The following INTS1 variants were observed in gnomAD, a reference collection of about 807,000 sequenced individuals.
INTS1 encodes integrator complex subunit 1.
INTS1 carries 137 observed loss-of-function variants against 241.6 expected under a neutral mutation model. The observed-to-expected ratio is 0.57, with a 90% confidence interval of 0.49 to 0.65. The LOEUF (loss-of-function observed/expected upper bound fraction) is 0.65, where lower values mean the gene tolerates loss of function less well. Among genes scored for constraint, INTS1 ranks in the 30% least tolerant of loss-of-function variants. The pLI is 0.00. For synonymous variants in INTS1, 1,692 were observed against 1,337.8 expected (o/e 1.26, Z -5.78); for missense variants, 3,073 against 3,032.2 (o/e 1.01, Z -0.32).
rs975981224 is a variant in INTS1 at position 1,493,295 on chromosome 7, G to A, written c.2069-189C>T. On this transcript the variant is annotated intron_variant, in intron 15 of 47. Transcript: ENST00000404767. The surrounding 1 kb of genome is among the most constrained non-coding windows in gnomAD (Gnocchi z 5.3). ...CTGGGAAACAGGGCACTTTGCTCTC[G>A]GGGACACCTGGGCTGGGTCTAGAGA... Among the ~76,000 whole-genome samples, 3 of 152,078 alleles carry A rather than the reference G, an allele frequency of 2.0e-5. No individual in the cohort carries two copies. The highest frequency in any genetic ancestry group is 4.4e-5 in the Non-Finnish European group (3 of 68,000).
chr7:1,495,455 C>A lies in INTS1; in HGVS notation c.1810G>T (p.Ala604Ser). The stretch of plus-strand genomic sequence containing the variant: ...CACCAGTGCACGTAGTCCTTAGGGG[C>A]GAGCTTGCTGATGGAGGGGACCACA... ...HTVVPSISKL[A>S]PKDYVHCLHK... The change falls in exon 13 of 48, where the codon GCC (alanine) becomes TCC (serine). Residue 604 changes from alanine (A) to serine (S), a missense_variant. Ala to Ser is a moderately conservative substitution (Grantham distance 99, BLOSUM62 1). Coordinates refer to ENST00000404767, the MANE Select transcript of INTS1 (RefSeq NM_001080453.3). 1.2e-6 allele frequency: 2 copies of A among 1,612,378 alleles called. No individual in the cohort carries two copies. The highest frequency in any genetic ancestry group is 1.7e-6 in the Non-Finnish European group (2 of 1,179,662).
intron 20 of INTS1, 97 bp downstream of exon 20, chr7:1,487,223 C>A: frequency 6.6e-7 from 1 of 1,506,120 alleles, no homozygotes; most frequent in Non-Finnish European, 9.0e-7. Context: ...GGCCCCGCAT[C>A]CAGGTGTGTC....
rs1315205929 is a variant in INTS1 at position 1,471,596 on chromosome 7, C to A, written c.6230G>T (p.Arg2077Ile). Reference sequence around the variant, plus strand: ...CGAGAAGAAGCTCAGGATCTCGGGTCTCCGCCGGGACATCTCGTCTATGTC... The same window carrying A: ...CGAGAAGAAGCTCAGGATCTCGGGTATCCGCCGGGACATCTCGTCTATGTC... ...LSDIDEMSRR[R>I]PEILSFFSTN... Residue 2077 changes from arginine (R) to isoleucine (I), a missense_variant, in exon 45 of 48, where the codon AGA becomes ATA. Physicochemically the swap from Arg to Ile is moderately conservative, Grantham distance 97. Coordinates refer to ENST00000404767, the MANE Select transcript of INTS1 (RefSeq NM_001080453.3). 6.2e-7 allele frequency: 1 copy of A among 1,612,430 alleles called. No individual in the cohort carries two copies.
rs1017173368 is a variant in INTS1, at chr7:1,481,149, C to T, written c.3850+193G>A. On this transcript the variant is annotated intron_variant, in intron 28 of 47. Coordinates refer to ENST00000404767, the MANE Select transcript of INTS1 (RefSeq NM_001080453.3). This position sits in a 1 kb window ranked among gnomAD's most constrained non-coding sequence, Gnocchi z 6.8. ...GGGGTGCCTGGCCCCAGGGTTGGGG[C>T]AGGCCCAGGCCTCGGCTCCCTCCTG... 10 of 756,434 alleles carry T rather than the reference C, an allele frequency of 1.3e-5. No homozygotes were observed. The highest frequency in any genetic ancestry group is 2.0e-5 in the Non-Finnish European group (9 of 448,498). 46.9% of individuals were successfully genotyped at this position (756,434 alleles called of 1,614,324 possible). A position where few individuals can be genotyped will look rare whatever the true frequency, so the allele number is the denominator to read the frequency against.
Position 1,485,175 on chromosome 7 carries a change from T to C in INTS1, c.3184A>G (p.Thr1062Ala). 1 of 1,600,630 alleles carries C rather than the reference T, an allele frequency of 6.2e-7. No individual in the cohort carries two copies. The highest frequency in any genetic ancestry group is 8.5e-7 in the Non-Finnish European group (1 of 1,179,612). The change falls in exon 24 of 48, where the codon ACC becomes GCC. Residue 1062 changes from threonine to alanine, a missense_variant. Physicochemically the swap from Thr to Ala is moderately conservative, Grantham distance 58. Coordinates refer to ENST00000404767, the MANE Select transcript of INTS1 (RefSeq NM_001080453.3). ...QAIHMETDPQ[T>A]ISAYLIYLSQ... ...AAGTAGATCAGGTAGGCGCTGATGG[T>C]CTGGGGATCAGTCTCCATGTGGATT...
chr7:1,474,494 G>T, intron 40 of INTS1, 134 bp from the exon 41 acceptor site: 1 of 1,169,278 alleles, frequency 8.6e-7, no homozygotes, highest in Non-Finnish European at 1.2e-6. Context: ...CCCTAAGGAG[G>T]TGGGGATGAG....
Position 1,495,620 on chromosome 7 carries a change from G to A in INTS1, c.1712-67C>T. On this transcript the variant is annotated intron_variant, in intron 12 of 47. Coordinates refer to ENST00000404767, the MANE Select transcript of INTS1 (RefSeq NM_001080453.3). ...GCCATGAGGGGCTAAGGCACCCCTG[G>A]GGGTCCAACTCAATGCTGGCACTTG... The A allele has an allele frequency of 3.2e-6, 5 of 1,550,678 alleles. No homozygotes were observed. The South Asian group carries it at 4.7e-5, about 15-fold the overall frequency.
chr7:1,502,365 A>G (rs1783227213), intron 3 of INTS1, among the ~76,000 whole-genome samples: 1 of 152,090 alleles, frequency 6.6e-6, no homozygotes, highest in Non-Finnish European at 1.5e-5. Flanking sequence ...GCACACAGTT[A>G]AAGGCATTTC....
rs1583119788 is a variant in INTS1, at chr7:1,484,139, G to A, written c.3293C>T (p.Thr1098Ile). 2 of 1,611,766 alleles carry A rather than the reference G, an allele frequency of 1.2e-6. No individual in the cohort carries two copies. The highest frequency in any genetic ancestry group is 2.2e-5 in the South Asian group (2 of 91,080). ...CTTCGAGAAGAGGTGGGACATGATG[G>A]TGGAGCGCTCCACGACCAGCCGGGC... is the stretch of plus-strand genomic sequence containing the variant. ...DVARLVVERSTIMSHLFSKLS... is the reference protein window; with the variant it reads ...DVARLVVERSIIMSHLFSKLS... Residue 1098 changes from threonine (T) to isoleucine (I), a missense_variant, in exon 25 of 48, where the codon ACC becomes ATC. By Grantham distance (89) the Thr-to-Ile change is moderately conservative (BLOSUM62 -1). Coordinates refer to ENST00000404767, the MANE Select transcript of INTS1 (RefSeq NM_001080453.3).
intron 12 of INTS1, among the ~76,000 whole-genome samples, chr7:1,495,883 G>A (rs1416014839): frequency 6.6e-6 from 1 of 152,170 alleles, no homozygotes; most frequent in South Asian, 2.1e-4. Context: ...CCCGTGGCTG[G>A]GGCCACCACG....
At chr7:1,495,321 G>A (rs1782791303) in intron 13 of INTS1, 112 bp downstream of exon 13, 1 of 1,323,486 alleles carries the variant, frequency 7.6e-7, no homozygotes, top group Non-Finnish European at 1.0e-6. Context: ...GGGCTGTGCG[G>A]GGCCTGGCTT....
intron 42 of INTS1, 79 bp from the exon 43 acceptor site, chr7:1,473,263 C>T: frequency 1.0e-6 from 1 of 1,002,494 alleles, no homozygotes; most frequent in Non-Finnish European, 1.5e-6. Context: ...ACTAGGGTGG[C>T]ATGGGAGCGT....
intron 33 of INTS1, 71 bp downstream of exon 33, chr7:1,478,295 G>T: frequency 6.5e-7 from 1 of 1,541,692 alleles, no homozygotes; most frequent in Non-Finnish European, 8.9e-7. Flanking sequence ...CCACTGGGCA[G>T]CTAGAAGGAG....
Position 1,494,995 on chromosome 7 carries a change from A to G in INTS1, c.1833-102T>C. The G allele has an allele frequency of 2.2e-6, 3 of 1,380,534 alleles. No individual in the cohort carries two copies. The South Asian group carries it at 3.7e-5, about 17-fold the overall frequency. The allele number at this position is 1,380,534 out of a possible 1,614,324, so 85.5% of individuals were successfully genotyped here. A position where few individuals can be genotyped will look rare whatever the true frequency, so the allele number is the denominator to read the frequency against. ...CCCGCTCCCACGGGCCCCAGCGCTCAGAGGCCGGGCTGCCTGGTGCCCAAG... is the reference window on the plus strand; with the variant it reads ...CCCGCTCCCACGGGCCCCAGCGCTCGGAGGCCGGGCTGCCTGGTGCCCAAG... On this transcript the variant is annotated intron_variant, in intron 13 of 47. Coordinates refer to ENST00000404767, the MANE Select transcript of INTS1 (RefSeq NM_001080453.3).
rs1314838117 is a variant in INTS1 at position 1,476,038 on chromosome 7, CAGG to C, written c.5409_5411del (p.Leu1804del). Reference sequence around the variant, plus strand: ...GCTCCGGCCGCTGTAGGTAGAGCTGCAGGAGAAGGTCTCGGCAGCGCCTGCCCA... The same window carrying C: ...GCTCCGGCCGCTGTAGGTAGAGCTGCAGAAGGTCTCGGCAGCGCCTGCCCA... On this transcript the variant is annotated inframe_deletion, in exon 39 of 48. Coordinates refer to ENST00000404767, the MANE Select transcript of INTS1 (RefSeq NM_001080453.3). The C allele has an allele frequency of 5.8e-6, 9 of 1,545,588 alleles. No individual in the cohort carries two copies. The highest frequency in any genetic ancestry group is 2.0e-5 in the Admixed American group (1 of 51,000).
chr7:1,496,171 T>C lies in INTS1; in HGVS notation c.1696A>G (p.Lys566Glu). ...QVKEAGIAWD[K>E]GEKRNLEVLR... ...ACATCCTTACTCCTCTTTTCTCCTT[T>C]GTCCCAGGCGATGCCGGCCTCCTTC... Residue 566 changes from lysine to glutamate, a missense_variant, in exon 12 of 48, where the codon AAA becomes GAA. Lys to Glu is a moderately conservative substitution (Grantham distance 56). Transcript: ENST00000404767. 1 of 1,613,744 alleles carries C rather than the reference T, an allele frequency of 6.2e-7. No individual in the cohort carries two copies. Among genetic ancestry groups the C allele is most frequent in the South Asian group, 1.1e-5 (1 of 91,084 alleles).
Position 1,495,421 on chromosome 7 carries a change from C to A in INTS1, c.1832+12G>T, listed in dbSNP as rs748279057. 7 of 1,605,786 alleles carry A rather than the reference C, an allele frequency of 4.4e-6. No individual in the cohort carries two copies. Among genetic ancestry groups the A allele is most frequent in the Non-Finnish European group, 4.3e-6 (5 of 1,176,386 alleles). ...GGTGTGGGACAGGGGCTGTACAGGG[C>A]CCCAGCCGCACCAGTGCACGTAGTC... is the stretch of plus-strand genomic sequence containing the variant. On this transcript the variant is annotated intron_variant, in intron 13 of 47. Transcript: ENST00000404767.
intron 8 of INTS1, 28 bp downstream of exon 8, chr7:1,498,947 C>CCCCCCCCCCCCCCCGGGG: frequency 4.5e-6 from 6 of 1,339,428 alleles, no homozygotes; most frequent in Non-Finnish European, 5.1e-6. Flanking sequence ...CCCCCTGCCC[C>CCCCCCCCCCCCCCCGGGG]GCCCACCCCC....
At chr7:1,480,774 T>C (rs1781954473) in intron 29 of INTS1, 61 bp downstream of exon 29, 2 of 1,342,160 alleles carry the variant, frequency 1.5e-6, no homozygotes, top group South Asian at 2.6e-5. Context: ...GCTGGGTCTC[T>C]GTGTTGGCCC....
Sources: gnomAD v4.1 joint callset for allele counts (sites outside exome capture counted in the v4.1 genomes callset) on GRCh38, gnomAD v4.1.1 for gene constraint, Gnocchi (gnomAD v3.1) non-coding constraint, MANE v1.5 for transcripts, NCBI Gene and HGNC (gene_info 2026-07-23, HGNC 2026-07-21) for gene names.